Variants in ATXN7 observed in about 807,000 individuals in gnomAD.
The protein encoded by ATXN7 is ataxin-7.
A neutral mutation model predicts 70.5 loss-of-function variants in ATXN7; 12 were observed. The ratio of observed to expected loss-of-function variants is 0.17; its 90% CI spans 0.11 to 0.28. The LOEUF (loss-of-function observed/expected upper bound fraction) is 0.28, where lower values mean the gene tolerates loss of function less well. Among genes scored for constraint, ATXN7 ranks in the 10% least tolerant of loss-of-function variants. The pLI, the probability that ATXN7 is intolerant of heterozygous loss-of-function variation, is 1.00. For synonymous variants in ATXN7, 498 were observed against 448.7 expected (o/e 1.11, Z -1.39); for missense variants, 1,256 against 1,131.7 (o/e 1.11, Z -1.58).
chr3:63,927,554 G>C (rs1213726912), intron 4 of ATXN7, among the ~76,000 whole-genome samples: 1 of 152,146 alleles, frequency 6.6e-6, no homozygotes, highest in African/African-American at 2.4e-5. Flanking sequence ...CAGTGTCCTG[G>C]TATTCTTTTT....
chr3:63,883,646 G>A (rs58563750), intron 1 of ATXN7, among the ~76,000 whole-genome samples: 2,238 of 152,132 alleles, frequency 0.015, 47 homozygotes, highest in African/African-American at 0.05. Context: ...AAATAGGAAG[G>A]TATAACTGCC....
At chr3:63,897,902 G>A (rs989047943) in intron 1 of ATXN7, among the ~76,000 whole-genome samples, 2 of 152,130 alleles carry the variant, frequency 1.3e-5, no homozygotes, top group East Asian at 3.9e-4. Flanking sequence ...TAGTTTCCTT[G>A]TGCTTTTTAA....
Position 64,001,308 on chromosome 3 carries a change from A to G in ATXN7, c.*1841A>G, listed in dbSNP as rs1201791298. 6.6e-6 allele frequency: 1 copy of G among 152,210 alleles called. No individual in the cohort carries two copies. The highest frequency in any genetic ancestry group is 2.4e-5 in the African/African-American group (1 of 41,458). 9.4% of individuals were successfully genotyped at this position (152,210 alleles called of 1,614,324 possible). On this transcript the variant is annotated 3_prime_UTR_variant, in exon 13 of 13. Coordinates refer to ENST00000674280, the MANE Select transcript of ATXN7 (RefSeq NM_001377405.1). ...GTAAATGTTTTTAAAATGATACTACAGGAGAGCTTAGTAAGGAGAGGGCAT... is the reference window on the plus strand; with the variant it reads ...GTAAATGTTTTTAAAATGATACTACGGGAGAGCTTAGTAAGGAGAGGGCAT...
chr3:63,995,269 C>T (rs1269962924), intron 11 of ATXN7, among the ~76,000 whole-genome samples: 1 of 151,826 alleles, frequency 6.6e-6, no homozygotes, highest in Non-Finnish European at 1.5e-5. Flanking sequence ...GGAGGTGGAG[C>T]TAGAGGCTGG....
intron 11 of ATXN7, among the ~76,000 whole-genome samples, chr3:63,992,950 T>C (rs1471837911): frequency 1.4e-4 from 21 of 152,152 alleles, no homozygotes. Flanking sequence ...CCTGGCATCT[T>C]TGAAGCCCTC....
chr3:63,976,391 A>G (rs1237301699), intron 5 of ATXN7, among the ~76,000 whole-genome samples: 4 of 152,246 alleles, frequency 2.6e-5, no homozygotes, highest in African/African-American at 9.6e-5. Flanking sequence ...CTTTTCAGCC[A>G]GAATCTCAGT....
intron 5 of ATXN7, among the ~76,000 whole-genome samples, chr3:63,970,478 C>T (rs1311274692): frequency 6.6e-6 from 1 of 152,008 alleles, no homozygotes; most frequent in Non-Finnish European, 1.5e-5. Context: ...TCCTCTTTTT[C>T]CCTATCATTC....
At chr3:63,901,453 C>T (rs938328417) in intron 2 of ATXN7, 1 of 152,224 alleles carries the variant, frequency 6.6e-6, no homozygotes, top group Admixed American at 6.5e-5. Context: ...CTATTCTCTA[C>T]TTCTATGAAT....
intron 5 of ATXN7, among the ~76,000 whole-genome samples, chr3:63,967,126 T>G (rs375845383): frequency 6.6e-6 from 1 of 152,124 alleles, no homozygotes; most frequent in East Asian, 1.9e-4. Context: ...ACAGTAGATT[T>G]GTTGATTGGC....
At chr3:63,884,655 A>G (rs936748534) in intron 1 of ATXN7, among the ~76,000 whole-genome samples, 15 of 147,090 alleles carry the variant, frequency 1.0e-4, no homozygotes, top group Non-Finnish European at 4.5e-5. Context: ...TTTCTTTCTT[A>G]TTTTTTTGGG....
At chr3:63,989,442 C>T (rs1022350326) in intron 9 of ATXN7, among the ~76,000 whole-genome samples, 1 of 152,178 alleles carries the variant, frequency 6.6e-6, no homozygotes, top group Non-Finnish European at 1.5e-5. Context: ...TATCTTAGAG[C>T]ATTTTGCAAA....
chr3:63,896,708 G>A (rs1703459858), intron 1 of ATXN7, among the ~76,000 whole-genome samples: 1 of 152,178 alleles, frequency 6.6e-6, no homozygotes, highest in South Asian at 2.1e-4. Context: ...TCTAAGTAGA[G>A]AAGTTTCTGT....
intron 4 of ATXN7, among the ~76,000 whole-genome samples, chr3:63,915,365 C>T (rs1156746860): frequency 1.3e-5 from 2 of 152,220 alleles, no homozygotes; most frequent in Non-Finnish European, 2.9e-5. Context: ...TAAATTCAGT[C>T]AGTTCTTCAT....
intron 4 of ATXN7, among the ~76,000 whole-genome samples, chr3:63,926,585 G>GATC (rs1704724444): frequency 6.6e-6 from 1 of 152,108 alleles, no homozygotes; most frequent in African/African-American, 2.4e-5. Context: ...TGGGCAGGCA[G>GATC]ATCACACAGG....
At chr3:63,892,493 A>ACC (rs34584883) in intron 1 of ATXN7, among the ~76,000 whole-genome samples, 32 of 140,538 alleles carry the variant, frequency 2.3e-4, no homozygotes, top group African/African-American at 7.2e-4. Flanking sequence ...ACACACACAC[A>ACC]CCCACACACA....
At chr3:63,914,570 A>G (rs925211115) in intron 4 of ATXN7, among the ~76,000 whole-genome samples, 1 of 152,130 alleles carries the variant, frequency 6.6e-6, no homozygotes, top group Non-Finnish European at 1.5e-5. Flanking sequence ...CTAGGTGGCA[A>G]CTCTCACAGT....
rs373273074 is a variant in ATXN7, at chr3:63,992,983, A to G, written c.1682+2124A>G. Among the ~76,000 whole-genome samples the G allele has an allele frequency of 4.6e-5, 7 of 152,334 alleles. No individual in the cohort carries two copies. The East Asian group carries it at 1.4e-3, about 29-fold the overall frequency. On this transcript the variant is annotated intron_variant, in intron 11 of 12. Coordinates refer to ENST00000674280, the MANE Select transcript of ATXN7 (RefSeq NM_001377405.1). ...CTCAAGGAAACTTTCAAAGTGATCC[A>G]GGTCCCACCCTACCGGCTCAGCCCA...
chr3:63,951,740 TA>T (rs1183136611), intron 4 of ATXN7, among the ~76,000 whole-genome samples: 2 of 152,202 alleles, frequency 1.3e-5, no homozygotes, highest in Non-Finnish European at 2.9e-5. Context: ...GTCTTACTGT[TA>T]AAACAAACAA....
At chr3:63,990,886 G>T in intron 11 of ATXN7, 27 bp downstream of exon 11, 5 of 1,614,204 alleles carry the variant, frequency 3.1e-6, no homozygotes, top group Non-Finnish European at 4.2e-6. Context: ...CTTGGGAGAG[G>T]AGCTGACTTT....
Sources: gnomAD v4.1 joint callset for allele counts (sites outside exome capture counted in the v4.1 genomes callset) on GRCh38, gnomAD v4.1.1 for gene constraint, MANE v1.5 for transcripts, NCBI Gene and HGNC (gene_info 2026-07-23, HGNC 2026-07-21) for gene names.